Variants in TPGS2 observed in about 807,000 individuals in gnomAD.
TPGS2 encodes the protein polyglutamylase subunit 2.
A neutral mutation model predicts 31.1 loss-of-function variants in TPGS2; 26 were observed. The ratio of observed to expected loss-of-function variants is 0.84; its 90% CI spans 0.61 to 1.16. The LOEUF (loss-of-function observed/expected upper bound fraction) is 1.16, where lower values mean the gene tolerates loss of function less well. Ranked by LOEUF, TPGS2 falls within the 50% of genes most tolerant of loss-of-function variation. The probability of loss-of-function intolerance (pLI) is 0.00; values close to 1 mark genes in which losing one functional copy is unlikely to be tolerated. For synonymous variants in TPGS2, 130 were observed against 136.6 expected (o/e 0.95, Z 0.34); for missense variants, 351 against 363.8 (o/e 0.96, Z 0.29).
At chr18:36,801,729 T>C (rs2044826632) in intron 4 of TPGS2, among the ~76,000 whole-genome samples, 1 of 151,898 alleles carries the variant, frequency 6.6e-6, no homozygotes, top group African/African-American at 2.4e-5. Flanking sequence ...ATTTGTCTTT[T>C]CCCTTTGGCT....
At chr18:36,809,238 C>T (rs1363421809) in intron 2 of TPGS2, among the ~76,000 whole-genome samples, 2 of 152,016 alleles carry the variant, frequency 1.3e-5, no homozygotes. Context: ...ACTGGCAGTA[C>T]GAGGGGGTGT....
chr18:36,803,771 A>G (rs1460109559), intron 4 of TPGS2, among the ~76,000 whole-genome samples: 8 of 152,040 alleles, frequency 5.3e-5, no homozygotes, highest in Admixed American at 5.2e-4. Context: ...CATGTAGTCA[A>G]TTGTTTGAGA....
At chr18:36,805,172 CA>C (rs1051909335) in intron 4 of TPGS2, among the ~76,000 whole-genome samples, 22 of 152,248 alleles carry the variant, frequency 1.4e-4, no homozygotes, top group African/African-American at 5.3e-4. Context: ...TCAGAAGTGG[CA>C]AAGAGCTTGG....
At chr18:36,823,946 A>C (rs1213915846) in intron 1 of TPGS2, 2 of 757,488 alleles carry the variant, frequency 2.6e-6, no homozygotes, top group Non-Finnish European at 1.6e-6. Flanking sequence ...CTGAGACATA[A>C]TTCGCATACC....
rs545755263 is a variant in TPGS2 at position 36,828,869 on chromosome 18, G to C, written c.-102C>G. The C allele has an allele frequency of 7.0e-7, 1 of 1,429,084 alleles. No homozygotes were observed. The highest frequency in any genetic ancestry group is 9.5e-7 in the Non-Finnish European group (1 of 1,047,444). 88.5% of individuals were successfully genotyped at this position (1,429,084 alleles called of 1,614,324 possible). ...TGGCATGCCGGGAACGGTAGTTCTCGGCGCCTGAAAGCGCGGCGCAGTGAT... is the reference window on the plus strand; with the variant it reads ...TGGCATGCCGGGAACGGTAGTTCTCCGCGCCTGAAAGCGCGGCGCAGTGAT... On this transcript the variant is annotated 5_prime_UTR_variant, in exon 1 of 7. Coordinates refer to ENST00000334295, the MANE Select transcript of TPGS2 (RefSeq NM_015476.4).
chr18:36,822,836 T>A (rs1016457768), intron 1 of TPGS2, among the ~76,000 whole-genome samples: 34 of 152,276 alleles, frequency 2.2e-4, no homozygotes, highest in African/African-American at 7.9e-4. Context: ...TGGCCTCAAG[T>A]GATTTTCCCA....
chr18:36,821,016 A>G (rs773897369), intron 1 of TPGS2: 1 of 152,162 alleles, frequency 6.6e-6, no homozygotes, highest in Non-Finnish European at 1.5e-5. Context: ...GCTTACTCCA[A>G]AGGTGGGTGC....
chr18:36,787,180 A>G, intron 6 of TPGS2: 1 of 1,204,714 alleles, frequency 8.3e-7, no homozygotes, highest in Non-Finnish European at 1.0e-6. Flanking sequence ...TAAATGAGCC[A>G]CAAGGTAATA....
downstream of TPGS2, among the ~76,000 whole-genome samples, chr18:36,792,755 T>A (rs890792625): frequency 2.0e-5 from 3 of 152,182 alleles, no homozygotes; most frequent in Admixed American, 6.5e-5. Flanking sequence ...ATTCTGTGGA[T>A]TATCAGGTGC....
In TPGS2 at chr18:36,795,788, T is replaced by TAAG. The variant is rs2044499322; in HGVS notation, c.*1014_*1016dup. On this transcript the variant is annotated 3_prime_UTR_variant, in exon 7 of 7. Coordinates refer to ENST00000334295, the MANE Select transcript of TPGS2 (RefSeq NM_015476.4). ...GTTCTAAGCAGGAGACTGCTTGTCC[T>TAAG]AAGGATGGCCAGGGACCAGGCAAAG... 1 of 985,298 alleles carries TAAG rather than the reference T, an allele frequency of 1.0e-6. No homozygotes were observed. 61.0% of individuals were successfully genotyped at this position (985,298 alleles called of 1,614,324 possible). A position where few individuals can be genotyped will look rare whatever the true frequency, so the allele number is the denominator to read the frequency against.
downstream of TPGS2, among the ~76,000 whole-genome samples, chr18:36,793,593 TAACA>T (rs1334581866): frequency 1.3e-5 from 2 of 152,216 alleles, no homozygotes; most frequent in Admixed American, 1.3e-4. Context: ...AGTGAAACAG[TAACA>T]GTTGAGTTAG....
chr18:36,805,866 T>A (rs1357281077), intron 3 of TPGS2: 1 of 160,500 alleles, frequency 6.2e-6, no homozygotes, highest in Non-Finnish European at 1.4e-5. Flanking sequence ...TAGCAAGTAT[T>A]CTGCATAAAC....
At position 36,828,757 on chromosome 18, in the gene TPGS2, T is replaced by G. The variant is rs1392526910; in HGVS notation, c.11A>C (p.Glu4Ala). The change falls in exon 1 of 7, where the codon GAG (glutamate) becomes GCG (alanine). Residue 4 changes from glutamate to alanine, a missense_variant. Physicochemically the swap from Glu to Ala is moderately radical, Grantham distance 107. Transcript: ENST00000334295. MEE[E>A]ASSPGLGCSK... ...GCAGCCCAGCCCCGGGGACGATGCC[T>G]CCTCCTCCATGGCTCGCGACCGCGA... 1.9e-6 allele frequency: 3 copies of G among 1,613,600 alleles called. No homozygotes were observed. The highest frequency in any genetic ancestry group is 1.1e-5 in the South Asian group (1 of 91,076).
Position 36,828,778 on chromosome 18 carries a change from C to A in TPGS2, c.-11G>T, listed in dbSNP as rs377181800. On this transcript the variant is annotated 5_prime_UTR_variant, in exon 1 of 7. Transcript: ENST00000334295. ...TGCCTCCTCCTCCATGGCTCGCGAC[C>A]GCGATTCGCGCGCGGCGGGAGCGGG... The A allele has an allele frequency of 1.2e-6, 2 of 1,612,210 alleles. No individual in the cohort carries two copies. The highest frequency in any genetic ancestry group is 1.7e-6 in the Non-Finnish European group (2 of 1,179,398).
chr18:36,814,203 C>A (rs1035701998), intron 2 of TPGS2, among the ~76,000 whole-genome samples: 1 of 152,114 alleles, frequency 6.6e-6, no homozygotes, highest in African/African-American at 2.4e-5. Context: ...TCTTCTGGCA[C>A]CAGGATGTTA....
chr18:36,781,471 G>A (rs1008625889), downstream of TPGS2, among the ~76,000 whole-genome samples: 2 of 152,106 alleles, frequency 1.3e-5, no homozygotes, highest in African/African-American at 4.8e-5. Context: ...GGCCAACATG[G>A]TGAAACCCTG....
chr18:36,815,976 C>T (rs1410278651), intron 2 of TPGS2, among the ~76,000 whole-genome samples: 2 of 152,080 alleles, frequency 1.3e-5, no homozygotes, highest in African/African-American at 2.4e-5. Flanking sequence ...CTGGTGTGCA[C>T]GACCACACCT....
intron 4 of TPGS2, among the ~76,000 whole-genome samples, chr18:36,804,531 C>T (rs902701086): frequency 2.6e-5 from 4 of 152,182 alleles, no homozygotes; most frequent in Non-Finnish European, 4.4e-5. Context: ...CCTCTGCCCC[C>T]GAACTTCTCT....
intron 3 of TPGS2, chr18:36,807,415 A>G (rs2433396): frequency 0.93 from 147,633 of 158,434 alleles, 68,923 homozygotes; most frequent in East Asian, 1. Flanking sequence ...TTAGGGCCCT[A>G]AGGTCTTTAT....
Sources: gnomAD v4.1 joint callset for allele counts (sites outside exome capture counted in the v4.1 genomes callset) on GRCh38, gnomAD v4.1.1 for gene constraint, MANE v1.5 for transcripts, NCBI Gene and HGNC (gene_info 2026-07-23, HGNC 2026-07-21) for gene names.